CAPZB: variants seen among roughly 807,000 people sequenced by gnomAD.
CAPZB encodes the protein F-actin-capping protein subunit beta.
Under a neutral mutation model 38.1 loss-of-function variants are expected in CAPZB, and 2 were observed. The observed-to-expected ratio is 0.05, with a 90% CI of 0.02 to 0.17. The LOEUF (loss-of-function observed/expected upper bound fraction) is 0.17, where lower values mean the gene tolerates loss of function less well. Ranked by LOEUF, CAPZB falls within the 10% of genes least tolerant of loss-of-function variation. The probability of loss-of-function intolerance (pLI) is 1.00; values close to 1 mark genes in which losing one functional copy is unlikely to be tolerated. For synonymous variants in CAPZB, 107 were observed against 127.4 expected, an observed-to-expected ratio of 0.84 and a Z score of 1.08; for missense variants, 161 against 334.2, an observed-to-expected ratio of 0.48 and a Z score of 4.04.
At chr1:19,379,021 A>G (rs2094158632) in intron 3 of CAPZB, among the ~76,000 whole-genome samples, 1 of 151,942 alleles carries the variant, frequency 6.6e-6, no homozygotes, top group Admixed American at 6.6e-5. Context: ...AGCTTGCCAG[A>G]CTGTCAGTGT....
intron 2 of CAPZB, among the ~76,000 whole-genome samples, chr1:19,415,760 A>C (rs1440875115): frequency 6.6e-6 from 1 of 152,182 alleles, no homozygotes; most frequent in East Asian, 1.9e-4. Context: ...GCTGGTCTCG[A>C]ACTCCTGGCC....
rs947654759 is a variant in CAPZB, at chr1:19,338,926, A to G, written c.*604T>C. 1 of 152,600 alleles carries G rather than the reference A, an allele frequency of 6.6e-6. No homozygotes were observed. The highest frequency in any genetic ancestry group is 1.5e-5 in the Non-Finnish European group (1 of 68,142). The allele number at this position is 152,600 out of a possible 1,614,324, so 9.5% of individuals were successfully genotyped here. ...TTTTGCATTCCATAGAAATTGACAG[A>G]AAAGCACCTGGCCGGAAGAGCGGAA... On this transcript the variant is annotated 3_prime_UTR_variant, in exon 9 of 9. Transcript: ENST00000264202.
At chr1:19,484,862 G>A (rs2094645274) in intron 1 of CAPZB, among the ~76,000 whole-genome samples, 1 of 152,188 alleles carries the variant, frequency 6.6e-6, no homozygotes, top group Admixed American at 6.5e-5. Context: ...AGTTCACAGA[G>A]AGAAGAGGAG....
At chr1:19,447,042 A>C (rs1570295544) in intron 1 of CAPZB, among the ~76,000 whole-genome samples, 1 of 152,084 alleles carries the variant, frequency 6.6e-6, no homozygotes, top group Non-Finnish European at 1.5e-5. Flanking sequence ...TTCTCAAATT[A>C]CCACCCCACT....
At chr1:19,392,527 TTAA>T (rs1420159706) in intron 2 of CAPZB, among the ~76,000 whole-genome samples, 1 of 59,674 alleles carries the variant, frequency 1.7e-5, no homozygotes, top group African/African-American at 7.3e-5. Context: ...TTCTTAAGAA[TTAA>T]AAAAAAAAAA....
intron 1 of CAPZB, among the ~76,000 whole-genome samples, chr1:19,465,250 T>A (rs1254708740): frequency 6.6e-6 from 1 of 152,032 alleles, no homozygotes; most frequent in African/African-American, 2.4e-5. Flanking sequence ...GGTGATTAGA[T>A]CATGAGGGCC....
chr1:19,423,485 T>A (rs2094409437), intron 1 of CAPZB, among the ~76,000 whole-genome samples: 1 of 148,570 alleles, frequency 6.7e-6, no homozygotes, highest in Non-Finnish European at 1.5e-5. Context: ...CACTTTTATA[T>A]AAAGCTCAAT....
At chr1:19,349,503 A>G (rs2093980335) in intron 6 of CAPZB, among the ~76,000 whole-genome samples, 1 of 152,202 alleles carries the variant, frequency 6.6e-6, no homozygotes, top group African/African-American at 2.4e-5. Context: ...GGCCGCGGCC[A>G]TCGGCAAAGG....
At position 19,444,794 on chromosome 1, in the gene CAPZB, G is replaced by A. The variant is rs145949103; in HGVS notation, c.4-25044C>T. On this transcript the variant is annotated intron_variant, in intron 1 of 8. Transcript: ENST00000264202. ...ATCTCACTCTGTTGCCCAGGCTGGA[G>A]TGAAGTGGCGCAATCCTGGCTCACT... is the stretch of plus-strand genomic sequence containing the variant. Among the ~76,000 whole-genome samples the A allele has an allele frequency of 6.4e-4, 97 of 152,256 alleles. 1 individual carries two copies. In the East Asian group the frequency reaches 0.015, roughly 23 times the overall value.
At chr1:19,423,535 T>TTTTG (rs2094409926) in intron 1 of CAPZB, among the ~76,000 whole-genome samples, 2 of 143,768 alleles carry the variant, frequency 1.4e-5, no homozygotes, top group South Asian at 2.4e-4. Flanking sequence ...TTTTTTTTTT[T>TTTTG]TTTTTTAAAG....
intron 2 of CAPZB, among the ~76,000 whole-genome samples, chr1:19,418,507 T>C (rs924697406): frequency 6.6e-6 from 1 of 152,218 alleles, no homozygotes; most frequent in Non-Finnish European, 1.5e-5. Context: ...ATCACAAGCA[T>C]GTGCAGTTGT....
At chr1:19,443,628 T>TG (rs1553288208) in intron 1 of CAPZB, among the ~76,000 whole-genome samples, 1 of 151,836 alleles carries the variant, frequency 6.6e-6, no homozygotes, top group Non-Finnish European at 1.5e-5. Context: ...TTGTTGTTGT[T>TG]TTAAAAAGAA....
intron 1 of CAPZB, among the ~76,000 whole-genome samples, chr1:19,445,065 C>T (rs1162557461): frequency 3.9e-5 from 6 of 152,050 alleles, no homozygotes; most frequent in Non-Finnish European, 7.4e-5. Flanking sequence ...TTTTGACCCA[C>T]GAGATCTTTG....
intron 1 of CAPZB, among the ~76,000 whole-genome samples, chr1:19,436,243 C>A (rs1172034687): frequency 6.6e-6 from 1 of 152,214 alleles, no homozygotes; most frequent in Non-Finnish European, 1.5e-5. Flanking sequence ...CTCCATCCTG[C>A]CTGGGACATG....
intron 1 of CAPZB, among the ~76,000 whole-genome samples, chr1:19,482,848 C>T (rs1394666635): frequency 6.6e-6 from 1 of 151,842 alleles, no homozygotes; most frequent in Admixed American, 6.6e-5. Flanking sequence ...CTACGCCAAC[C>T]ATCTACACCG....
At chr1:19,374,608 T>C (rs2094135645) in intron 4 of CAPZB, among the ~76,000 whole-genome samples, 1 of 152,264 alleles carries the variant, frequency 6.6e-6, no homozygotes, top group African/African-American at 2.4e-5. Context: ...GAGCCCAGCC[T>C]GCTCTCAAGG....
At chr1:19,465,822 C>T (rs887663915) in intron 1 of CAPZB, among the ~76,000 whole-genome samples, 15 of 152,180 alleles carry the variant, frequency 9.9e-5, no homozygotes, top group Non-Finnish European at 2.1e-4. Context: ...CTTACTATGT[C>T]CCAGGTGCTA....
intron 1 of CAPZB, 108 bp from the exon 2 acceptor site, chr1:19,419,858 ACGCAGTGGGCC>A: frequency 1.5e-6 from 1 of 685,816 alleles, no homozygotes; most frequent in Non-Finnish European, 2.5e-6. Flanking sequence ...CCAAAGAGCC[ACGCAGTGGGCC>A]CTCCGCCAGG....
chr1:19,373,849 C>A (rs2094131891), intron 4 of CAPZB, among the ~76,000 whole-genome samples: 1 of 151,860 alleles, frequency 6.6e-6, no homozygotes, highest in South Asian at 2.1e-4. Flanking sequence ...GCCTCTATGC[C>A]TGACTAATGT....
Sources: allele counts gnomAD v4.1 joint callset (sites outside exome capture counted in the v4.1 genomes callset), GRCh38; gene constraint gnomAD v4.1.1; transcripts MANE v1.5; gene names NCBI Gene and HGNC (gene_info 2026-07-23, HGNC 2026-07-21).